Variants in ACBD6 observed in about 807,000 individuals in gnomAD.
ACBD6 encodes acyl-CoA binding domain containing 6, also known as acyl-CoA-binding domain-containing protein 6.
In ACBD6, 28 loss-of-function variants were observed where a neutral mutation model predicts 37.2. The ratio of observed to expected loss-of-function variants is 0.75; its 90% confidence interval spans 0.56 to 1.03. The LOEUF is 1.03. Ranked by LOEUF, ACBD6 falls within the 50% of genes least tolerant of loss-of-function variation. The pLI is 0.00. For missense variants in ACBD6, 340 were observed against 337.4 expected, an observed-to-expected ratio of 1.01 and a Z score of -0.06; for synonymous variants, 113 against 126.8, an observed-to-expected ratio of 0.89 and a Z score of 0.73.
intron 9 of ACBD6, chr1:180,278,056 G>A (rs1215061032): frequency 6.6e-6 from 1 of 152,182 alleles, no homozygotes. Flanking sequence ...CAAGGCTTCT[G>A]ATGAGCAAAG....
chr1:180,288,377 T>C lies in ACBD6; in HGVS notation c.835A>G (p.Thr279Ala). 6.2e-7 allele frequency: 1 copy of C among 1,613,838 alleles called. No homozygotes were observed. The highest frequency in any genetic ancestry group is 8.5e-7 in the Non-Finnish European group (1 of 1,180,000). Reference sequence around the variant, plus strand: ...CAGTCTTTTGATTAAGCCTTGCCAGTTGTGTGCCGCTGCAGCACCAAAGAA... The same window carrying C: ...CAGTCTTTTGATTAAGCCTTGCCAGCTGTGTGCCGCTGCAGCACCAAAGAA... Reference protein sequence around the residue: ...TVSLVLQRHTTGKA With the variant: ...TVSLVLQRHTAGKA Residue 279 changes from threonine (T) to alanine (A), a missense_variant, in exon 8 of 8, where the codon ACT becomes GCT. Coordinates refer to ENST00000367595, the MANE Select transcript of ACBD6 (RefSeq NM_032360.4).
intron 6 of ACBD6, among the ~76,000 whole-genome samples, chr1:180,359,314 A>C (rs1185823939): frequency 6.6e-6 from 1 of 152,172 alleles, no homozygotes; most frequent in Admixed American, 6.5e-5. Flanking sequence ...AGTGCCAATA[A>C]ATAAAACAAA....
intron 3 of ACBD6, among the ~76,000 whole-genome samples, chr1:180,452,367 G>A (rs1649742083): frequency 6.6e-6 from 1 of 152,044 alleles, no homozygotes; most frequent in African/African-American, 2.4e-5. Flanking sequence ...CTACTCGGGA[G>A]GCTGAGGCAG....
At chr1:180,440,011 T>C (rs1489398533) in intron 3 of ACBD6, among the ~76,000 whole-genome samples, 1 of 152,226 alleles carries the variant, frequency 6.6e-6, no homozygotes, top group Non-Finnish European at 1.5e-5. Context: ...CCATCTTATA[T>C]AATTTTCCTT....
intron 5 of ACBD6, among the ~76,000 whole-genome samples, chr1:180,408,969 C>T (rs1032139785): frequency 3.3e-5 from 5 of 151,916 alleles, no homozygotes; most frequent in African/African-American, 1.2e-4. Context: ...CCAGCCTGGC[C>T]AACATGGTGA....
intron 5 of ACBD6, 44 bp from the exon 6 acceptor site, chr1:180,397,649 AG>A: frequency 6.9e-7 from 1 of 1,451,050 alleles, no homozygotes; most frequent in Non-Finnish European, 9.7e-7. Context: ...TCAGTTGTGG[AG>A]CCATGTAAAA....
chr1:180,395,502 C>T (rs990738549), intron 6 of ACBD6, among the ~76,000 whole-genome samples: 4 of 151,996 alleles, frequency 2.6e-5, no homozygotes, highest in African/African-American at 9.7e-5. Context: ...TTTTCCAGAA[C>T]CTAAGTGTAA....
intron 7 of ACBD6, among the ~76,000 whole-genome samples, chr1:180,308,334 T>C (rs1385456062): frequency 1.3e-5 from 2 of 152,222 alleles, no homozygotes; most frequent in African/African-American, 2.4e-5. Context: ...CACTCAAGTG[T>C]ATTTTGTAAT....
intron 6 of ACBD6, among the ~76,000 whole-genome samples, chr1:180,352,339 G>A (rs1351334069): frequency 6.6e-6 from 1 of 151,988 alleles, no homozygotes; most frequent in Non-Finnish European, 1.5e-5. Flanking sequence ...AAACTCCTAG[G>A]CTCAAGTGAT....
intron 6 of ACBD6, among the ~76,000 whole-genome samples, chr1:180,344,675 C>T (rs1008536408): frequency 6.6e-6 from 1 of 152,034 alleles, no homozygotes; most frequent in Non-Finnish European, 1.5e-5. Context: ...CACAACAACC[C>T]TATTATGTAA....
In ACBD6 at chr1:180,466,320, A is replaced by C. The variant is rs74135187; in HGVS notation, c.384+25949T>G. 6.7e-3 allele frequency among the ~76,000 whole-genome samples: 1,014 copies of C among 152,288 alleles called. 17 individuals carry two copies. Among genetic ancestry groups the C allele is most frequent in the African/African-American group, 0.023 (969 of 41,570 alleles). On this transcript the variant is annotated intron_variant, in intron 3 of 7. Coordinates refer to ENST00000367595, the MANE Select transcript of ACBD6 (RefSeq NM_032360.4). ...TTAAAGCAACAAACCAACAACATAA[A>C]ATTGAAATGTAAACATAACATAGTC...
chr1:180,405,004 G>C (rs1209607325), intron 5 of ACBD6, among the ~76,000 whole-genome samples: 1 of 152,162 alleles, frequency 6.6e-6, no homozygotes, highest in East Asian at 1.9e-4. Flanking sequence ...TAGACAATTT[G>C]TAACGCATTT....
exon 14 of ACBD6, chr1:180,269,677 A>T (rs544662083): frequency 6.6e-6 from 1 of 152,210 alleles, no homozygotes; most frequent in Non-Finnish European, 1.5e-5. Flanking sequence ...ATTATTTCAC[A>T]TTTTTTAATA....
intron 3 of ACBD6, among the ~76,000 whole-genome samples, chr1:180,480,593 A>T (rs1022030572): frequency 6.6e-6 from 1 of 152,204 alleles, no homozygotes; most frequent in Non-Finnish European, 1.5e-5. Flanking sequence ...GCAACACTAA[A>T]CAGAAATGCT....
intron 7 of ACBD6, among the ~76,000 whole-genome samples, chr1:180,300,320 T>C (rs1650082411): frequency 6.6e-6 from 1 of 152,132 alleles, no homozygotes; most frequent in South Asian, 2.1e-4. Flanking sequence ...GGTTAAATAA[T>C]ATTAAGTGAT....
At chr1:180,474,904 G>A (rs1650722095) in intron 3 of ACBD6, among the ~76,000 whole-genome samples, 1 of 152,180 alleles carries the variant, frequency 6.6e-6, no homozygotes, top group East Asian at 1.9e-4. Flanking sequence ...GTCCAACTGG[G>A]ACATTTTCTA....
chr1:180,359,762 T>C (rs1239564934), intron 6 of ACBD6, among the ~76,000 whole-genome samples: 1 of 152,152 alleles, frequency 6.6e-6, no homozygotes, highest in Non-Finnish European at 1.5e-5. Context: ...ATCCCTCTCT[T>C]AGAATTTCTT....
chr1:180,390,957 T>A (rs1045969669), intron 6 of ACBD6, among the ~76,000 whole-genome samples: 1 of 152,118 alleles, frequency 6.6e-6, no homozygotes, highest in Non-Finnish European at 1.5e-5. Context: ...ATCAAGACTG[T>A]GTGGTATTAA....
intron 10 of ACBD6, chr1:180,274,390 T>C (rs201605695): frequency 9.9e-6 from 16 of 1,614,038 alleles, no homozygotes; most frequent in South Asian, 2.2e-5. Context: ...CTTTGCTCAA[T>C]GGGCTGGATT....
Sources: gnomAD v4.1 joint callset for allele counts (sites outside exome capture counted in the v4.1 genomes callset) on GRCh38, gnomAD v4.1.1 for gene constraint, MANE v1.5 for transcripts, NCBI Gene and HGNC (gene_info 2026-07-23, HGNC 2026-07-21) for gene names.